Variants in DOCK4 observed in about 807,000 individuals in gnomAD.
DOCK4 encodes the protein dedicator of cytokinesis protein 4.
In DOCK4, 97 loss-of-function variants were observed where a neutral mutation model predicts 268.1. The observed-to-expected ratio is 0.36, with a 90% confidence interval of 0.31 to 0.43. The LOEUF (loss-of-function observed/expected upper bound fraction) is 0.43. Among genes scored for constraint, DOCK4 ranks in the 20% least tolerant of loss-of-function variants. DOCK4 has a pLI of 1.00. For missense variants in DOCK4, 2,145 were observed against 2,455.7 expected, an observed-to-expected ratio of 0.87 and a Z score of 2.67; for synonymous variants, 954 against 887.2, an observed-to-expected ratio of 1.08 and a Z score of -1.34.
chr7:112,060,450 C>A (rs566088995), intron 1 of DOCK4, among the ~76,000 whole-genome samples: 21 of 152,252 alleles, frequency 1.4e-4, no homozygotes, highest in South Asian at 6.2e-4. Flanking sequence ...GCCATATGAT[C>A]CAGCAATTCT....
chr7:111,863,345 C>T, intron 23 of DOCK4, 27 bp downstream of exon 23: 1 of 1,613,766 alleles, frequency 6.2e-7, no homozygotes, highest in Non-Finnish European at 8.5e-7. Context: ...TTCAGAGGCA[C>T]AATTTCCTCC....
At chr7:112,137,443 C>T (rs1814470079) in intron 1 of DOCK4, among the ~76,000 whole-genome samples, 1 of 151,830 alleles carries the variant, frequency 6.6e-6, no homozygotes, top group Non-Finnish European at 1.5e-5. Flanking sequence ...GTAGTTTGGT[C>T]CTTTGGTCCG....
At chr7:111,739,671 T>G in intron 47 of DOCK4, 194 bp from the exon 48 acceptor site, 1 of 587,010 alleles carries the variant, frequency 1.7e-6, no homozygotes. Context: ...TTTTGACTCC[T>G]GCCAAAGGAA....
rs1397210100 is a variant in DOCK4 at position 111,728,131 on chromosome 7, A to G, written c.*143T>C. ...TCAGCAACTTTTAATATTGTGCAACATGATATTTAATAAGCAAGTTTTAAT... is the reference window on the plus strand; with the variant it reads ...TCAGCAACTTTTAATATTGTGCAACGTGATATTTAATAAGCAAGTTTTAAT... On this transcript the variant is annotated 3_prime_UTR_variant, in exon 53 of 53. Transcript: ENST00000428084. 1.2e-5 allele frequency: 7 copies of G among 581,518 alleles called. No homozygotes were observed. The highest frequency in any genetic ancestry group is 3.3e-5 in the East Asian group (1 of 30,064). 36.0% of individuals were successfully genotyped at this position (581,518 alleles called of 1,614,324 possible). A position where few individuals can be genotyped will look rare whatever the true frequency, so the allele number is the denominator to read the frequency against.
Position 111,728,241 on chromosome 7 carries a change from A to C in DOCK4, c.*33T>G. On this transcript the variant is annotated 3_prime_UTR_variant, in exon 53 of 53. Coordinates refer to ENST00000428084, the MANE Select transcript of DOCK4 (RefSeq NM_001363540.2). ...CATACTTCTTATTTTGTAAACGGGC[A>C]AAGAATGCATCGCAGGTACATAGAA... 7.0e-7 allele frequency: 1 copy of C among 1,429,410 alleles called. No homozygotes were observed. The highest frequency in any genetic ancestry group is 9.2e-7 in the Non-Finnish European group (1 of 1,085,152). 88.5% of individuals were successfully genotyped at this position (1,429,410 alleles called of 1,614,324 possible).
At chr7:111,808,253 T>C (rs1800822829) in intron 30 of DOCK4, 1 of 152,238 alleles carries the variant, frequency 6.6e-6, no homozygotes, top group African/African-American at 2.4e-5. Flanking sequence ...CTGTTTTCTA[T>C]GCAACCAGAT....
intron 1 of DOCK4, among the ~76,000 whole-genome samples, chr7:112,120,177 T>C (rs1812605624): frequency 6.6e-6 from 1 of 152,208 alleles, no homozygotes; most frequent in Non-Finnish European, 1.5e-5. Context: ...AGAGAATTCC[T>C]AATTAGTCCC....
At chr7:111,973,746 A>G (rs935749465) in intron 8 of DOCK4, among the ~76,000 whole-genome samples, 10 of 152,020 alleles carry the variant, frequency 6.6e-5, no homozygotes, top group African/African-American at 2.2e-4. Context: ...GGGGGTAAAC[A>G]CAAAAATTGG....
intron 1 of DOCK4, among the ~76,000 whole-genome samples, chr7:112,010,202 T>C (rs1314859472): frequency 6.6e-6 from 1 of 152,076 alleles, no homozygotes. Flanking sequence ...CTCTTCTACA[T>C]ATGTACAAAA....
chr7:112,049,887 G>C (rs770168821), intron 1 of DOCK4, among the ~76,000 whole-genome samples: 7 of 152,176 alleles, frequency 4.6e-5, no homozygotes, highest in Non-Finnish European at 7.3e-5. Flanking sequence ...GAAAGGTTTG[G>C]TATTTGGAGA....
Position 112,018,219 on chromosome 7 carries a change from G to A in DOCK4, c.38-14088C>T, listed in dbSNP as rs181228164. Among the ~76,000 whole-genome samples the A allele has an allele frequency of 1.4e-3, 198 of 139,960 alleles. 2 individuals are homozygous for A. Among genetic ancestry groups the A allele is most frequent in the Admixed American group, 2.0e-3 (27 of 13,428 alleles). The allele number at this position is 139,960 out of a possible 152,430, so 91.8% of individuals were successfully genotyped here. A position where few individuals can be genotyped will look rare whatever the true frequency, so the allele number is the denominator to read the frequency against. On this transcript the variant is annotated intron_variant, in intron 1 of 52. Coordinates refer to ENST00000428084, the MANE Select transcript of DOCK4 (RefSeq NM_001363540.2). Reference sequence around the variant, plus strand: ...TATTCATGTGGCTTATGTTATCTAGGAAACTAATAAAACTCTGTTATTTCC... The same window carrying A: ...TATTCATGTGGCTTATGTTATCTAGAAAACTAATAAAACTCTGTTATTTCC...
At chr7:112,181,828 G>A (rs1245895770) in intron 1 of DOCK4, among the ~76,000 whole-genome samples, 1 of 152,018 alleles carries the variant, frequency 6.6e-6, no homozygotes, top group African/African-American at 2.4e-5. Flanking sequence ...AAGGAAAATC[G>A]TTTTCAGTGG....
In DOCK4 at chr7:112,063,380, T is replaced by C. The variant is rs1474600287; in HGVS notation, c.38-59249A>G. On this transcript the variant is annotated intron_variant, in intron 1 of 52. Transcript: ENST00000428084. ...TAAACCCATTGTAAACTGAAAATAC[T>C]GTAAGCCCAAATGCATTTAATACAC... 3.3e-5 allele frequency among the ~76,000 whole-genome samples: 5 copies of C among 152,210 alleles called. No individual in the cohort carries two copies. In the East Asian group the frequency reaches 7.7e-4, roughly 23 times the overall value.
At chr7:111,913,564 C>T (rs184667678) in intron 13 of DOCK4, among the ~76,000 whole-genome samples, 27,388 of 151,180 alleles carry the variant, frequency 0.18, 2,457 homozygotes, top group Non-Finnish European at 0.22. Flanking sequence ...CGCCCGCCAC[C>T]ACGCCCGGCT....
intron 15 of DOCK4, among the ~76,000 whole-genome samples, chr7:111,899,500 A>G (rs1195001475): frequency 6.6e-6 from 1 of 152,148 alleles, no homozygotes; most frequent in Non-Finnish European, 1.5e-5. Flanking sequence ...GGGGAGAGAG[A>G]TGGGGCTTGA....
Position 111,787,036 on chromosome 7 carries a change from G to A in DOCK4, c.3401+1626C>T, listed in dbSNP as rs115530319. ...ACCTTAAAATAGTCCTGATTATAGA[G>A]GCTTAATATTTTAATTATTGGTTTG... On this transcript the variant is annotated intron_variant, in intron 32 of 52. Transcript: ENST00000428084. 9.5e-3 allele frequency among the ~76,000 whole-genome samples: 1,444 copies of A among 152,156 alleles called. 29 individuals carry two copies. Among genetic ancestry groups the A allele is most frequent in the African/African-American group, 0.033 (1,367 of 41,510 alleles).
At chr7:111,989,298 A>G (rs1372609448) in intron 5 of DOCK4, 135 bp from the exon 6 acceptor site, 4 of 1,186,066 alleles carry the variant, frequency 3.4e-6, no homozygotes. Flanking sequence ...GTCCGTGAAC[A>G]GACAAACTGT....
intron 1 of DOCK4, among the ~76,000 whole-genome samples, chr7:112,099,178 A>G (rs556911949): frequency 6.6e-6 from 1 of 152,006 alleles, no homozygotes; most frequent in South Asian, 2.1e-4. Context: ...TGTAGTCCCA[A>G]CTACTTGGGA....
Position 112,140,282 on chromosome 7 carries a change from GC to G in DOCK4, c.37+65819del, listed in dbSNP as rs559312185. ...AACTCTGAAACGTGGAGATGTCGGA[GC>G]CCCCAACCCCCACCTGCAGGACCTT... is the stretch of plus-strand genomic sequence containing the variant. On this transcript the variant is annotated intron_variant, in intron 1 of 52. Transcript: ENST00000428084. 6.6e-5 allele frequency among the ~76,000 whole-genome samples: 10 copies of G among 152,258 alleles called. No individual in the cohort carries two copies. The East Asian group carries it at 1.4e-3, about 21-fold the overall frequency.
Sources: allele counts gnomAD v4.1 joint callset (sites outside exome capture counted in the v4.1 genomes callset), GRCh38; gene constraint gnomAD v4.1.1; transcripts MANE v1.5; gene names NCBI Gene and HGNC (gene_info 2026-07-23, HGNC 2026-07-21).